Variants in KLF7 observed in about 807,000 individuals in gnomAD.
KLF7 encodes the protein KLF transcription factor 7, also known as Krueppel-like factor 7.
A neutral mutation model predicts 27.3 loss-of-function variants in KLF7; 2 were observed. The ratio of observed to expected loss-of-function variants is 0.07; its 90% CI spans 0.03 to 0.23. The LOEUF is 0.23. Among genes scored for constraint, KLF7 ranks in the 10% least tolerant of loss-of-function variants. The pLI is 1.00. For missense variants in KLF7, 221 were observed against 394.1 expected (o/e 0.56, Z 3.72); for synonymous variants, 165 against 162.4 (o/e 1.02, Z -0.12).
rs2076226100 is a variant in KLF7 at position 207,079,079 on chromosome 2, TTTTG to T, written c.*2130_*2133del. 1 of 151,834 alleles carries T rather than the reference TTTTG, an allele frequency of 6.6e-6. No individual in the cohort carries two copies. The highest frequency in any genetic ancestry group is 1.5e-5 in the Non-Finnish European group (1 of 67,964). 9.4% of individuals were successfully genotyped at this position (151,834 alleles called of 1,614,324 possible). A position where few individuals can be genotyped will look rare whatever the true frequency, so the allele number is the denominator to read the frequency against. ...TGTATTATTTTGTTTTTTTTTTTGT[TTTTG>T]TTTTTGTTTTTTTTGGTCTAAATAG... On this transcript the variant is annotated 3_prime_UTR_variant, in exon 4 of 4. Coordinates refer to ENST00000309446, the MANE Select transcript of KLF7 (RefSeq NM_003709.4).
chr2:207,162,786 C>G (rs1170778323), intron 1 of KLF7, among the ~76,000 whole-genome samples: 1 of 152,214 alleles, frequency 6.6e-6, no homozygotes, highest in African/African-American at 2.4e-5. Flanking sequence ...CACTCTTTCT[C>G]TAGAAACCAA....
At chr2:207,133,355 A>C (rs552256339) in intron 1 of KLF7, among the ~76,000 whole-genome samples, 85 of 152,326 alleles carry the variant, frequency 5.6e-4, no homozygotes, top group Admixed American at 2.1e-3. Context: ...CTGGATCTGC[A>C]CTGAAAGTGA....
At chr2:207,107,896 T>C (rs541969753) in intron 2 of KLF7, among the ~76,000 whole-genome samples, 1 of 152,364 alleles carries the variant, frequency 6.6e-6, no homozygotes, top group South Asian at 2.1e-4. Context: ...AAAAGACCTA[T>C]GTTTGCACAA....
At chr2:207,098,012 CTT>C (rs1287709623) in intron 2 of KLF7, among the ~76,000 whole-genome samples, 4 of 152,270 alleles carry the variant, frequency 2.6e-5, no homozygotes, top group Non-Finnish European at 5.9e-5. Context: ...TGTAAACTCA[CTT>C]AAGAATTTAG....
intron 1 of KLF7, among the ~76,000 whole-genome samples, chr2:207,139,784 T>C (rs1443156809): frequency 6.6e-6 from 1 of 152,340 alleles, no homozygotes; most frequent in African/African-American, 2.4e-5. Flanking sequence ...CTTGGTTGAA[T>C]TGTTAAAAGC....
intron 1 of KLF7, 32 bp from the exon 2 acceptor site, chr2:207,124,436 C>G: frequency 1.3e-6 from 2 of 1,531,066 alleles, no homozygotes; most frequent in South Asian, 1.3e-5. Context: ...AGAGAAACAG[C>G]CATCAGAGGC....
chr2:207,165,034 G>A (rs1333996750), intron 1 of KLF7, among the ~76,000 whole-genome samples: 2 of 116,000 alleles, frequency 1.7e-5, no homozygotes, highest in East Asian at 6.0e-4. Flanking sequence ...ATAAGCACCA[G>A]TTGAAACAGA....
intron 1 of KLF7, chr2:207,149,296 G>T: frequency 4.1e-6 from 2 of 488,928 alleles, no homozygotes; most frequent in Non-Finnish European, 6.9e-6. Context: ...TTCTAGACTA[G>T]CCATACATTT....
chr2:207,147,975 A>G (rs2078142995), intron 1 of KLF7, among the ~76,000 whole-genome samples: 1 of 151,620 alleles, frequency 6.6e-6, no homozygotes, highest in African/African-American at 2.4e-5. Context: ...ACTTGATCTG[A>G]AGCATTTTTT....
intron 1 of KLF7, among the ~76,000 whole-genome samples, chr2:207,155,505 C>T (rs936278793): frequency 6.6e-6 from 1 of 152,346 alleles, no homozygotes; most frequent in Non-Finnish European, 1.5e-5. Flanking sequence ...AGGAGCAAAA[C>T]ACCCTGAGCC....
chr2:207,119,792 C>T (rs554148415), intron 2 of KLF7, among the ~76,000 whole-genome samples: 7 of 152,188 alleles, frequency 4.6e-5, no homozygotes, highest in Non-Finnish European at 1.0e-4. Context: ...CAACCTCCGC[C>T]TCCTGGGGTC....
At chr2:207,131,332 A>G (rs1286354147) in intron 1 of KLF7, among the ~76,000 whole-genome samples, 1 of 152,234 alleles carries the variant, frequency 6.6e-6, no homozygotes, top group African/African-American at 2.4e-5. Flanking sequence ...GTCACATGCT[A>G]TTAACCATGG....
At chr2:207,170,662 A>G (rs376227435), upstream of KLF7, among the ~76,000 whole-genome samples, 12 of 152,306 alleles carry the variant, frequency 7.9e-5, no homozygotes, top group East Asian at 1.7e-3. Flanking sequence ...TAGGGCCCTT[A>G]AGAATTATAC....
intron 1 of KLF7, among the ~76,000 whole-genome samples, chr2:207,147,734 A>T (rs1192101439): frequency 6.6e-6 from 1 of 152,192 alleles, no homozygotes; most frequent in Non-Finnish European, 1.5e-5. Context: ...AATACGTCTT[A>T]GGATAGCTAC....
At chr2:207,112,954 C>T (rs538977877) in intron 2 of KLF7, among the ~76,000 whole-genome samples, 3 of 152,184 alleles carry the variant, frequency 2.0e-5, no homozygotes, top group Non-Finnish European at 4.4e-5. Flanking sequence ...ATGTGCTGTG[C>T]ACATCAAAGG....
chr2:207,144,171 A>G (rs1219308238), intron 1 of KLF7, among the ~76,000 whole-genome samples: 5 of 148,826 alleles, frequency 3.4e-5, no homozygotes, highest in Admixed American at 6.7e-5. Flanking sequence ...GGGGGGAGAA[A>G]AAAAAAAAAA....
intron 2 of KLF7, among the ~76,000 whole-genome samples, chr2:207,108,354 C>CTTA (rs1382743507): frequency 1.3e-5 from 2 of 152,122 alleles, no homozygotes; most frequent in Non-Finnish European, 2.9e-5. Flanking sequence ...ATTCTAACGA[C>CTTA]TTATTAAGAT....
At chr2:207,150,057 A>G (rs1187992577) in intron 1 of KLF7, among the ~76,000 whole-genome samples, 2 of 152,192 alleles carry the variant, frequency 1.3e-5, no homozygotes, top group Non-Finnish European at 2.9e-5. Context: ...AGTTTTACCC[A>G]AAACCCAGAC....
chr2:207,088,676 G>T, intron 2 of KLF7, 95 bp from the exon 3 acceptor site: 1 of 1,399,378 alleles, frequency 7.1e-7, no homozygotes, highest in East Asian at 2.3e-5. Flanking sequence ...GCTTGGGAAA[G>T]GGCTGTTTAA....
Sources: gnomAD v4.1 joint callset for allele counts (sites outside exome capture counted in the v4.1 genomes callset) on GRCh38, gnomAD v4.1.1 for gene constraint, MANE v1.5 for transcripts, NCBI Gene and HGNC (gene_info 2026-07-23, HGNC 2026-07-21) for gene names.